ALG14: variants seen among roughly 807,000 people sequenced by gnomAD.
ALG14 encodes the protein UDP-N-acetylglucosamine transferase subunit ALG14.
ALG14 carries 17 observed loss-of-function variants against 22.8 expected under a neutral mutation model. The observed-to-expected ratio is 0.75, with a 90% CI of 0.51 to 1.12. The LOEUF (loss-of-function observed/expected upper bound fraction) is 1.12. Among genes scored for constraint, ALG14 ranks in the 50% most tolerant of loss-of-function variants. ALG14 has a pLI of 0.00. For missense variants in ALG14, 288 were observed against 271.8 expected (o/e 1.06, Z -0.42); for synonymous variants, 89 against 103.7 (o/e 0.86, Z 0.86).
At chr1:95,053,121 T>C (rs771129611) in intron 2 of ALG14, among the ~76,000 whole-genome samples, 5 of 152,162 alleles carry the variant, frequency 3.3e-5, no homozygotes, top group Non-Finnish European at 7.3e-5. Flanking sequence ...TCTGAATTTT[T>C]AAAATTCTGC....
chr1:95,066,024 A>C (rs1046299566), intron 1 of ALG14, among the ~76,000 whole-genome samples: 1 of 152,162 alleles, frequency 6.6e-6, no homozygotes, highest in Non-Finnish European at 1.5e-5. Context: ...TCTCTGCCTC[A>C]GTCAGGTTGA....
intron 2 of ALG14, among the ~76,000 whole-genome samples, chr1:95,032,292 AG>A (rs1674034451): frequency 6.6e-6 from 1 of 152,178 alleles, no homozygotes; most frequent in African/African-American, 2.4e-5. Context: ...AAAGGACACA[AG>A]GGGGGTAATT....
intron 3 of ALG14, among the ~76,000 whole-genome samples, chr1:95,014,330 G>A (rs957239514): frequency 6.6e-6 from 1 of 152,196 alleles, no homozygotes; most frequent in Non-Finnish European, 1.5e-5. Context: ...TGTAGTTTGT[G>A]CAGCCTGGAA....
chr1:95,070,030 T>C (rs1412515329), intron 1 of ALG14, among the ~76,000 whole-genome samples: 1 of 152,066 alleles, frequency 6.6e-6, no homozygotes, highest in Non-Finnish European at 1.5e-5. Context: ...CAAGACACCA[T>C]CTCTATTTTT....
Position 94,974,893 on chromosome 1 carries a change from G to A in ALG14, c.*8183C>T. 1 of 152,212 alleles carries A rather than the reference G, an allele frequency of 6.6e-6. No homozygotes were observed. Among genetic ancestry groups the A allele is most frequent in the East Asian group, 1.9e-4 (1 of 5,192 alleles). The allele number at this position is 152,212 out of a possible 1,614,324, so 9.4% of individuals were successfully genotyped here. On this transcript the variant is annotated 3_prime_UTR_variant, in exon 4 of 4. Coordinates refer to ENST00000370205, the MANE Select transcript of ALG14 (RefSeq NM_144988.4). ...CTCAGCTGGGAAGACCAGAAAGCCT[G>A]GAGTGACTCAAATGGCAGGGCTGGA...
At chr1:95,054,942 GTATTAAAA>G (rs1313532547) in intron 2 of ALG14, among the ~76,000 whole-genome samples, 2 of 152,158 alleles carry the variant, frequency 1.3e-5, no homozygotes, top group Non-Finnish European at 2.9e-5. Flanking sequence ...ATCTAGCAAT[GTATTAAAA>G]TATAACACAC....
intron 3 of ALG14, among the ~76,000 whole-genome samples, chr1:94,987,396 A>G (rs1045588248): frequency 6.6e-6 from 1 of 151,484 alleles, no homozygotes; most frequent in Non-Finnish European, 1.5e-5. Context: ...GGGGTTCAAT[A>G]TGTGTCTGTT....
chr1:95,023,830 A>T (rs1486675061), intron 3 of ALG14, among the ~76,000 whole-genome samples: 4 of 152,208 alleles, frequency 2.6e-5, no homozygotes, highest in Admixed American at 2.0e-4. Context: ...GCCTGAGAAG[A>T]GCACCAGTGT....
chr1:94,984,708 C>T (rs1672591774), intron 3 of ALG14, among the ~76,000 whole-genome samples: 1 of 152,142 alleles, frequency 6.6e-6, no homozygotes, highest in South Asian at 2.1e-4. Flanking sequence ...CTTCATAGTC[C>T]CCCAAGGCAG....
chr1:95,071,831 T>C (rs1468345491), intron 1 of ALG14, among the ~76,000 whole-genome samples: 2 of 152,242 alleles, frequency 1.3e-5, no homozygotes, highest in African/African-American at 4.8e-5. Flanking sequence ...TTTGTACTTC[T>C]TACACAATTA....
At chr1:95,022,819 T>C (rs1183901346) in intron 3 of ALG14, among the ~76,000 whole-genome samples, 2 of 152,186 alleles carry the variant, frequency 1.3e-5, no homozygotes, top group Non-Finnish European at 2.9e-5. Flanking sequence ...CCTTTGAACA[T>C]GTTATAAAGT....
chr1:95,023,428 A>G (rs1325218789), intron 3 of ALG14, among the ~76,000 whole-genome samples: 1 of 152,218 alleles, frequency 6.6e-6, no homozygotes, highest in East Asian at 1.9e-4. Context: ...CCAGCCATCA[A>G]CTTTCTACTG....
chr1:95,033,756 C>T (rs1397764028), intron 2 of ALG14, among the ~76,000 whole-genome samples: 10 of 152,110 alleles, frequency 6.6e-5, no homozygotes, highest in Admixed American at 5.2e-4. Flanking sequence ...CCACATGTCT[C>T]GGCTACTCCC....
At chr1:95,071,795 G>T (rs1391961504) in intron 1 of ALG14, among the ~76,000 whole-genome samples, 1 of 152,102 alleles carries the variant, frequency 6.6e-6, no homozygotes, top group Non-Finnish European at 1.5e-5. Flanking sequence ...ATAAAGTAGT[G>T]CCCTTCCTGA....
Position 95,072,760 on chromosome 1 carries a change from T to A in ALG14, c.136+3A>T, listed in dbSNP as rs1468654819. ...GTCCGACAGTCGCCTCCTCGATACTTACCGGACCCAGCCACTACCAAGATA... is the reference window on the plus strand; with the variant it reads ...GTCCGACAGTCGCCTCCTCGATACTAACCGGACCCAGCCACTACCAAGATA... On this transcript the variant is annotated splice_donor_region_variant and intron_variant, in intron 1 of 3. Coordinates refer to ENST00000370205, the MANE Select transcript of ALG14 (RefSeq NM_144988.4). 6.2e-7 allele frequency: 1 copy of A among 1,613,774 alleles called. No homozygotes were observed. The highest frequency in any genetic ancestry group is 1.7e-5 in the Admixed American group (1 of 59,970).
intron 2 of ALG14, among the ~76,000 whole-genome samples, chr1:95,034,372 T>C (rs565002291): frequency 6.6e-6 from 1 of 152,356 alleles, no homozygotes; most frequent in South Asian, 2.1e-4. Context: ...GGATTTCATC[T>C]TGCTCACTGC....
At chr1:95,043,303 T>C (rs985214274) in intron 2 of ALG14, among the ~76,000 whole-genome samples, 2 of 152,150 alleles carry the variant, frequency 1.3e-5, no homozygotes, top group Admixed American at 6.5e-5. Flanking sequence ...ACACACGTTA[T>C]AAGGTCTGGA....
chr1:94,979,310 A>AAAAAAAAAAAAAAAAAAAAAAAAG lies in ALG14; in HGVS notation c.*3765_*3766insCTTTTTTTTTTTTTTTTTTTTTTT, dbSNP rs1553222994. On this transcript the variant is annotated 3_prime_UTR_variant, in exon 4 of 4. Coordinates refer to ENST00000370205, the MANE Select transcript of ALG14 (RefSeq NM_144988.4). ...GTCTCGAAAAAAAAAAAAAAAAAAA[A>AAAAAAAAAAAAAAAAAAAAAAAAG]AAAAGAAAGAAAAAAGTGAAACAAG... The AAAAAAAAAAAAAAAAAAAAAAAAG allele has an allele frequency of 1.1e-5, 1 of 89,840 alleles. No individual in the cohort carries two copies. Among genetic ancestry groups the AAAAAAAAAAAAAAAAAAAAAAAAG allele is most frequent in the African/African-American group, 5.3e-5 (1 of 18,746 alleles). 5.6% of individuals were successfully genotyped at this position (89,840 alleles called of 1,614,324 possible).
At chr1:95,006,960 A>C (rs1175025854) in intron 3 of ALG14, among the ~76,000 whole-genome samples, 3 of 152,230 alleles carry the variant, frequency 2.0e-5, no homozygotes, top group Non-Finnish European at 4.4e-5. Flanking sequence ...GCCCTTTAAA[A>C]GTGTGATGCC....
Sources: gnomAD v4.1 joint callset for allele counts (sites outside exome capture counted in the v4.1 genomes callset) on GRCh38, gnomAD v4.1.1 for gene constraint, MANE v1.5 for transcripts, NCBI Gene and HGNC (gene_info 2026-07-23, HGNC 2026-07-21) for gene names.